TYW3: variants seen among roughly 807,000 people sequenced by gnomAD.
TYW3 encodes the protein tRNA-yW synthesizing protein 3 homolog.
A neutral mutation model predicts 23.1 loss-of-function variants in TYW3; 26 were observed. The ratio of observed to expected loss-of-function variants is 1.13; its 90% CI spans 0.83 to 1.56. The LOEUF (loss-of-function observed/expected upper bound fraction) is 1.56. Among genes scored for constraint, TYW3 ranks in the 40% most tolerant of loss-of-function variants. The probability of loss-of-function intolerance (pLI) is 0.00; values close to 1 mark genes in which losing one functional copy is unlikely to be tolerated. For missense variants in TYW3, 316 were observed against 311.9 expected (o/e 1.01, Z -0.10); for synonymous variants, 102 against 105.7 (o/e 0.97, Z 0.21).
At position 74,763,756 on chromosome 1, in the gene TYW3, C is replaced by T. The variant is rs148443967; in HGVS notation, c.561-138C>T. ...AAATGCATTTATTTCCCTAATAAAA[C>T]ATATTATTTATTTGATTTATATTTA... On this transcript the variant is annotated intron_variant, in intron 5 of 5. Coordinates refer to ENST00000370867, the MANE Select transcript of TYW3 (RefSeq NM_138467.3). 972 of 587,546 alleles carry T rather than the reference C, an allele frequency of 1.7e-3. 12 individuals carry two copies. The Admixed American group carries it at 0.024, about 15-fold the overall frequency. The allele number at this position is 587,546 out of a possible 1,614,324, so 36.4% of individuals were successfully genotyped here.
At position 74,765,214 on chromosome 1, in the gene TYW3, T is replaced by G. The variant is rs772711796; in HGVS notation, c.*1101T>G. ...CCTGGAGACAGCATTTGAGGAGGAA[T>G]TGAAGATTTTTCTAATGAAAAGAAA... On this transcript the variant is annotated 3_prime_UTR_variant, in exon 6 of 6. Coordinates refer to ENST00000370867, the MANE Select transcript of TYW3 (RefSeq NM_138467.3). 6.6e-6 allele frequency: 1 copy of G among 151,916 alleles called. No homozygotes were observed. The highest frequency in any genetic ancestry group is 1.5e-5 in the Non-Finnish European group (1 of 67,950). The allele number at this position is 151,916 out of a possible 1,614,324, so 9.4% of individuals were successfully genotyped here. A position where few individuals can be genotyped will look rare whatever the true frequency, so the allele number is the denominator to read the frequency against.
rs1648153311 is a variant in TYW3, at chr1:74,736,342, A to G, written c.175-200A>G. The G allele has an allele frequency of 1.0e-5, 4 of 387,978 alleles. No homozygotes were observed. The South Asian group carries it at 2.8e-4, about 27-fold the overall frequency. The allele number at this position is 387,978 out of a possible 1,614,324, so 24.0% of individuals were successfully genotyped here. ...TATCAAGTAGTTTTACCTTTCACAT[A>G]ATTTTCTACCTCAAGTTATTTGGGC... On this transcript the variant is annotated intron_variant, in intron 1 of 5. Transcript: ENST00000370867.
chr1:74,757,889 G>T (rs1309281294), intron 5 of TYW3, among the ~76,000 whole-genome samples: 3 of 152,102 alleles, frequency 2.0e-5, no homozygotes, highest in African/African-American at 7.2e-5. Context: ...TTTCTTGTCT[G>T]CTGCCATGTG....
In TYW3 at chr1:74,765,626, A is replaced by T. The variant is rs1001090255; in HGVS notation, c.*1513A>T. 6.6e-6 allele frequency: 1 copy of T among 152,120 alleles called. No homozygotes were observed. The highest frequency in any genetic ancestry group is 6.6e-5 in the Admixed American group (1 of 15,248). The allele number at this position is 152,120 out of a possible 1,614,324, so 9.4% of individuals were successfully genotyped here. Reference sequence around the variant, plus strand: ...TGGCAGTGCAGTAAATGAAAAGAGAAGATAAATGAATAAAAAAAAAAGTTA... The same window carrying T: ...TGGCAGTGCAGTAAATGAAAAGAGATGATAAATGAATAAAAAAAAAAGTTA... On this transcript the variant is annotated 3_prime_UTR_variant, in exon 6 of 6. Coordinates refer to ENST00000370867, the MANE Select transcript of TYW3 (RefSeq NM_138467.3).
chr1:74,742,910 T>A (rs1351946888), intron 3 of TYW3, among the ~76,000 whole-genome samples: 1 of 152,128 alleles, frequency 6.6e-6, no homozygotes, highest in East Asian at 1.9e-4. Flanking sequence ...AGACAGGAGA[T>A]TAACACTGAG....
At chr1:74,744,055 G>A (rs186216694) in intron 3 of TYW3, among the ~76,000 whole-genome samples, 46 of 152,226 alleles carry the variant, frequency 3.0e-4, no homozygotes, top group African/African-American at 1.0e-3. Context: ...TAGCCCAGGC[G>A]TTTTTGTGGT....
intron 3 of TYW3, 187 bp from the exon 4 acceptor site, chr1:74,748,564 T>C: frequency 5.2e-6 from 3 of 576,458 alleles, no homozygotes; most frequent in Non-Finnish European, 9.2e-6. Flanking sequence ...CATATTTCAA[T>C]ATTTTTCCTG....
intron 3 of TYW3, among the ~76,000 whole-genome samples, chr1:74,748,143 A>ACAACTTAG (rs1470425294): frequency 6.5e-5 from 1 of 15,428 alleles, no homozygotes; most frequent in East Asian, 3.8e-3. Context: ...TTGAGTTGTG[A>ACAACTTAG]CAACCAAAAA....
chr1:74,737,744 A>C (rs1648200273), intron 2 of TYW3, among the ~76,000 whole-genome samples: 1 of 152,230 alleles, frequency 6.6e-6, no homozygotes. Context: ...AAAGGCAGGC[A>C]AGTGCTACCT....
chr1:74,750,800 CTTTTTTTTTTT>C (rs34468239), intron 4 of TYW3, among the ~76,000 whole-genome samples: 5,064 of 68,118 alleles, frequency 0.074, 396 homozygotes, highest in African/African-American at 0.26. Flanking sequence ...TCCCCCGCTC[CTTTTTTTTTTT>C]TTTTTTTTTT....
chr1:74,760,826 C>G (rs1649114849), intron 5 of TYW3, among the ~76,000 whole-genome samples: 1 of 152,238 alleles, frequency 6.6e-6, no homozygotes, highest in Non-Finnish European at 1.5e-5. Context: ...GCCTCAGTTT[C>G]CTCAATTCTG....
In TYW3 at chr1:74,733,346, G is replaced by C. The variant is rs1363620657; in HGVS notation, c.102G>C (p.Val34=). Residue 34 remains valine (V), a synonymous_variant, in exon 1 of 6, where the codon GTG becomes GTC. Transcript: ENST00000370867. The stretch of plus-strand genomic sequence containing the variant: ...TTGACGAGGATGTGGTAGAGCTTGT[G>C]CAGTTTCTGAACATGCGAGATCAGT... The part of the protein sequence containing the change: ...GSVDEDVVEL[V]QFLNMRDQFF... 1.2e-6 allele frequency: 2 copies of C among 1,614,216 alleles called. No individual in the cohort carries two copies. Among genetic ancestry groups the C allele is most frequent in the East Asian group, 4.5e-5 (2 of 44,882 alleles).
chr1:74,738,619 A>G, intron 2 of TYW3, 71 bp from the exon 3 acceptor site: 1 of 971,566 alleles, frequency 1.0e-6, no homozygotes, highest in Non-Finnish European at 1.5e-6. Flanking sequence ...AATTGAAGTT[A>G]TGTATGGGGT....
intron 3 of TYW3, among the ~76,000 whole-genome samples, chr1:74,739,637 T>C (rs1239965185): frequency 1.3e-5 from 2 of 152,220 alleles, no homozygotes; most frequent in Non-Finnish European, 2.9e-5. Context: ...TTTAAGGCTT[T>C]GTAGACCAGA....
intron 1 of TYW3, among the ~76,000 whole-genome samples, chr1:74,734,826 G>T (rs531072245): frequency 2.0e-5 from 3 of 152,250 alleles, no homozygotes; most frequent in African/African-American, 7.2e-5. Context: ...GAAATATTTG[G>T]CTTTGTGCCT....
At chr1:74,751,670 GAA>G (rs772374314) in intron 4 of TYW3, among the ~76,000 whole-genome samples, 3 of 136,090 alleles carry the variant, frequency 2.2e-5, no homozygotes, top group Non-Finnish European at 1.6e-5. Flanking sequence ...AACTCTGTCT[GAA>G]AAAAAAAAAA....
chr1:74,764,242 C>A lies in TYW3; in HGVS notation c.*129C>A. The A allele has an allele frequency of 1.3e-6, 1 of 764,818 alleles. No individual in the cohort carries two copies. The highest frequency in any genetic ancestry group is 2.0e-6 in the Non-Finnish European group (1 of 490,604). 47.4% of individuals were successfully genotyped at this position (764,818 alleles called of 1,614,324 possible). ...GCCAGTAATGACAAGTGCAGAGCTT[C>A]AAACTATAACTTTGTTGCCCAGAGG... is the stretch of plus-strand genomic sequence containing the variant. On this transcript the variant is annotated 3_prime_UTR_variant, in exon 6 of 6. Transcript: ENST00000370867.
intron 3 of TYW3, among the ~76,000 whole-genome samples, chr1:74,739,388 T>G (rs1247050925): frequency 6.6e-6 from 1 of 152,034 alleles, no homozygotes; most frequent in Non-Finnish European, 1.5e-5. Flanking sequence ...AAACTGCAAG[T>G]TGCAAAATGT....
At position 74,738,755 on chromosome 1, in the gene TYW3, G is replaced by T; in HGVS notation, c.321G>T (p.Val107=). The T allele has an allele frequency of 1.2e-6, 2 of 1,611,436 alleles. No individual in the cohort carries two copies. Among genetic ancestry groups the T allele is most frequent in the Non-Finnish European group, 1.7e-6 (2 of 1,178,000 alleles). Residue 107 remains valine, a synonymous_variant, in exon 3 of 6, where the codon GTG becomes GTT. Transcript: ENST00000370867. ...TLKFEPFVLH[V]QCRQLQDAQI... Reference sequence around the variant, plus strand: ...AATTTGAACCATTTGTTCTTCATGTGCAGTGTCGACAATTGCAGGATGCAC... The same window carrying T: ...AATTTGAACCATTTGTTCTTCATGTTCAGTGTCGACAATTGCAGGATGCAC...
Sources: gnomAD v4.1 joint callset for allele counts (sites outside exome capture counted in the v4.1 genomes callset) on GRCh38, gnomAD v4.1.1 for gene constraint, MANE v1.5 for transcripts, NCBI Gene and HGNC (gene_info 2026-07-23, HGNC 2026-07-21) for gene names.